Variants in CPLX1 observed in about 807,000 individuals in gnomAD.
CPLX1 encodes complexin-1.
Under a neutral mutation model 15.6 loss-of-function variants are expected in CPLX1, and 6 were observed. The ratio of observed to expected loss-of-function variants is 0.39; its 90% CI spans 0.21 to 0.76. The LOEUF (loss-of-function observed/expected upper bound fraction) is 0.76. Among genes scored for constraint, CPLX1 ranks in the 30% least tolerant of loss-of-function variants. The probability of loss-of-function intolerance (pLI) is 0.43; values close to 1 mark genes in which losing one functional copy is unlikely to be tolerated. For missense variants in CPLX1, 242 were observed against 188.6 expected (o/e 1.28, Z -1.66); for synonymous variants, 91 against 75.2 (o/e 1.21, Z -1.08).
intron 3 of CPLX1, among the ~76,000 whole-genome samples, chr4:789,031 G>A (rs547571598): frequency 6.6e-6 from 1 of 152,354 alleles, no homozygotes; most frequent in South Asian, 2.1e-4. Context: ...CTGCCACCAG[G>A]TTGTGGGACA....
chr4:796,371 C>T (rs1388715940), intron 2 of CPLX1, among the ~76,000 whole-genome samples: 5 of 152,256 alleles, frequency 3.3e-5, no homozygotes, highest in East Asian at 1.9e-4. Flanking sequence ...TTTCCAGATC[C>T]GCCTCCCGGG....
At position 792,436 on chromosome 4, in the gene CPLX1, G is replaced by A; in HGVS notation, c.204C>T (p.Asp68=). The stretch of plus-strand genomic sequence containing the variant: ...GCGGGGCCGGCCCGGCGCGCACCTT[G>A]TCTCGGATGCCCTGGCGCACGGCCT... The part of the protein sequence containing the change: ...EREAVRQGIR[D]KYGIKKKEER... The change falls in exon 3 of 4, where the codon GAC becomes GAT. Residue 68 remains aspartate (D), a synonymous_variant. Coordinates refer to ENST00000304062, the MANE Select transcript of CPLX1 (RefSeq NM_006651.4). The A allele has an allele frequency of 6.3e-7, 1 of 1,578,368 alleles. No homozygotes were observed. The highest frequency in any genetic ancestry group is 8.6e-7 in the Non-Finnish European group (1 of 1,163,582).
At chr4:810,201 A>C (rs929740939) in intron 2 of CPLX1, among the ~76,000 whole-genome samples, 2 of 151,350 alleles carry the variant, frequency 1.3e-5, no homozygotes, top group Admixed American at 6.6e-5. Context: ...AGGCGCCTGC[A>C]ACCACGCCCG....
At chr4:792,380 C>A in intron 3 of CPLX1, 53 bp downstream of exon 3, 5 of 1,436,300 alleles carry the variant, frequency 3.5e-6, no homozygotes, top group Non-Finnish European at 4.6e-6. Flanking sequence ...GGATCTGGGT[C>A]CCCGCTGGAC....
intron 2 of CPLX1, among the ~76,000 whole-genome samples, chr4:820,361 C>T (rs1037633786): frequency 2.6e-5 from 4 of 152,240 alleles, no homozygotes; most frequent in Admixed American, 6.5e-5. Flanking sequence ...CCTGTGGGGT[C>T]CCTAATAAAC....
Position 805,176 on chromosome 4 carries a change from C to T in CPLX1, c.32-12568G>A, listed in dbSNP as rs1746534740. On this transcript the variant is annotated intron_variant, in intron 2 of 3. Coordinates refer to ENST00000304062, the MANE Select transcript of CPLX1 (RefSeq NM_006651.4). ...GCTGTGGGCGCTGCAGCCGGAGAGCCACAGGCAGACAAACGCGCCGCAGAG... is the reference window on the plus strand; with the variant it reads ...GCTGTGGGCGCTGCAGCCGGAGAGCTACAGGCAGACAAACGCGCCGCAGAG... Among the ~76,000 whole-genome samples the T allele has an allele frequency of 3.3e-5, 5 of 152,208 alleles. No homozygotes were observed. The South Asian group carries it at 1.0e-3, about 32-fold the overall frequency.
In CPLX1 at chr4:786,453, T is replaced by C. The variant is rs1335485183; in HGVS notation, c.*48A>G. On this transcript the variant is annotated 3_prime_UTR_variant, in exon 4 of 4. Coordinates refer to ENST00000304062, the MANE Select transcript of CPLX1 (RefSeq NM_006651.4). Reference sequence around the variant, plus strand: ...CCCTCAGGGGCCTCCGCGGAGGATCTGTAGGGGGAGGGGCGGGGGCTCCGC... The same window carrying C: ...CCCTCAGGGGCCTCCGCGGAGGATCCGTAGGGGGAGGGGCGGGGGCTCCGC... The C allele has an allele frequency of 5.3e-6, 8 of 1,496,656 alleles. No individual in the cohort carries two copies. Among genetic ancestry groups the C allele is most frequent in the Non-Finnish European group, 7.2e-6 (8 of 1,116,774 alleles). 92.7% of individuals were successfully genotyped at this position (1,496,656 alleles called of 1,614,324 possible).
chr4:812,287 G>A (rs1746678383), intron 2 of CPLX1, among the ~76,000 whole-genome samples: 1 of 152,060 alleles, frequency 6.6e-6, no homozygotes. Flanking sequence ...ATGTTGTCCA[G>A]GATGGTCTTG....
intron 3 of CPLX1, among the ~76,000 whole-genome samples, chr4:791,734 C>T (rs1746181181): frequency 6.6e-6 from 1 of 152,200 alleles, no homozygotes; most frequent in Non-Finnish European, 1.5e-5. Flanking sequence ...ACCCTCGGGG[C>T]CAGGGCACGG....
intron 1 of CPLX1, among the ~76,000 whole-genome samples, chr4:825,801 G>A (rs2152649533): frequency 6.6e-6 from 1 of 150,520 alleles, no homozygotes; most frequent in African/African-American, 2.4e-5. Flanking sequence ...GAGAAACGGG[G>A]GCCGGAGGGA....
intron 2 of CPLX1, among the ~76,000 whole-genome samples, chr4:817,958 G>T (rs937745184): frequency 6.6e-6 from 1 of 152,220 alleles, no homozygotes; most frequent in Non-Finnish European, 1.5e-5. Flanking sequence ...TCTGACAGGG[G>T]ACACTGGAGG....
At chr4:797,086 C>T (rs1224631728) in intron 2 of CPLX1, among the ~76,000 whole-genome samples, 3 of 152,228 alleles carry the variant, frequency 2.0e-5, no homozygotes, top group Non-Finnish European at 2.9e-5. Context: ...GCACAACACA[C>T]AGACACATTC....
chr4:823,498 A>C (rs927909720), intron 2 of CPLX1, among the ~76,000 whole-genome samples: 2 of 152,180 alleles, frequency 1.3e-5, no homozygotes, highest in Non-Finnish European at 2.9e-5. Context: ...CCAAGGTGTG[A>C]ATGGCATCAG....
chr4:808,136 G>A (rs569543446), intron 2 of CPLX1, among the ~76,000 whole-genome samples: 1 of 152,202 alleles, frequency 6.6e-6, no homozygotes, highest in South Asian at 2.1e-4. Context: ...AGGCATAGTG[G>A]CACACACCTG....
intron 2 of CPLX1, among the ~76,000 whole-genome samples, chr4:806,393 T>C (rs1482768336): frequency 6.6e-6 from 1 of 152,178 alleles, no homozygotes; most frequent in Non-Finnish European, 1.5e-5. Flanking sequence ...TATATAAAAA[T>C]TAACTCAAGG....
At chr4:792,686 A>G (rs1746220630) in intron 2 of CPLX1, 78 bp from the exon 3 acceptor site, 1 of 1,469,202 alleles carries the variant, frequency 6.8e-7, no homozygotes, top group Admixed American at 1.9e-5. Context: ...ACACTCCCCC[A>G]CCTTCTGGCC....
intron 3 of CPLX1, among the ~76,000 whole-genome samples, chr4:789,143 C>T (rs368741783): frequency 3.9e-5 from 6 of 152,208 alleles, no homozygotes; most frequent in South Asian, 2.1e-4. Context: ...GTCACTCTGC[C>T]GGGAAAACAG....
chr4:798,017 G>A (rs576411545), intron 2 of CPLX1, among the ~76,000 whole-genome samples: 11 of 152,310 alleles, frequency 7.2e-5, no homozygotes, highest in South Asian at 6.2e-4. Flanking sequence ...GCTCACGCCT[G>A]TAATTCCAGT....
chr4:800,744 T>TAG (rs1746438231), intron 2 of CPLX1, among the ~76,000 whole-genome samples: 1 of 144,596 alleles, frequency 6.9e-6, no homozygotes, highest in Non-Finnish European at 1.5e-5. Context: ...AATATATATA[T>TAG]ATATATATAT....
Sources: allele counts gnomAD v4.1 joint callset (sites outside exome capture counted in the v4.1 genomes callset), GRCh38; gene constraint gnomAD v4.1.1; transcripts MANE v1.5; gene names NCBI Gene and HGNC (gene_info 2026-07-23, HGNC 2026-07-21).